LZTFL1: variants seen among roughly 807,000 people sequenced by gnomAD.
LZTFL1 encodes the protein leucine zipper transcription factor like 1, also known as leucine zipper transcription factor-like protein 1.
A neutral mutation model predicts 45.9 loss-of-function variants in LZTFL1; 25 were observed. That is an observed-to-expected ratio of 0.54 (90% CI 0.40 to 0.76). The LOEUF (loss-of-function observed/expected upper bound fraction) is 0.76, where lower values mean the gene tolerates loss of function less well. Ranked by LOEUF, LZTFL1 falls within the 30% of genes least tolerant of loss-of-function variation. The probability of loss-of-function intolerance (pLI) is 0.00; values close to 1 mark genes in which losing one functional copy is unlikely to be tolerated. For synonymous variants in LZTFL1, 93 were observed against 117.4 expected (o/e 0.79, Z 1.35); for missense variants, 277 against 331.1 (o/e 0.84, Z 1.27).
intron 2 of LZTFL1, among the ~76,000 whole-genome samples, chr3:45,863,750 G>C (rs1366447806): frequency 1.3e-5 from 2 of 152,204 alleles, no homozygotes; most frequent in African/African-American, 4.8e-5. Context: ...CACTGGCCAA[G>C]CAGCTGCAAT....
intron 2 of LZTFL1, among the ~76,000 whole-genome samples, chr3:45,865,158 C>T (rs1184271447): frequency 6.6e-6 from 1 of 152,206 alleles, no homozygotes; most frequent in Non-Finnish European, 1.5e-5. Context: ...AAATGCAATC[C>T]TTCCCCACAG....
chr3:45,895,019 TGGGAAGGATCCACTGTGG>T, intron 2 of LZTFL1: 1 of 1,507,616 alleles, frequency 6.6e-7, no homozygotes, highest in Non-Finnish European at 9.2e-7. Flanking sequence ...TTAGGGGGTG[TGGGAAGGATCCACTGTGG>T]GGGAAGGATT....
chr3:45,851,753 C>A (rs1030253642), intron 4 of LZTFL1, among the ~76,000 whole-genome samples: 1 of 151,712 alleles, frequency 6.6e-6, no homozygotes, highest in Non-Finnish European at 1.5e-5. Context: ...GAGGCTGACG[C>A]GGGAGGATGG....
At chr3:45,915,366 C>G (rs938554385) in intron 1 of LZTFL1, 3 of 373,412 alleles carry the variant, frequency 8.0e-6, no homozygotes, top group African/African-American at 2.1e-5. Flanking sequence ...CACCCTTCTC[C>G]CTCACCAGCT....
rs574881007 is a variant in LZTFL1 at position 45,887,789 on chromosome 3, C to T, written c.-215+25331G>A. Reference sequence around the variant, plus strand: ...TGGGCCCTGTGCAGCCCCTGCTGGGCGGTTGGCAGGCATCTGATCCAGGCA... The same window carrying T: ...TGGGCCCTGTGCAGCCCCTGCTGGGTGGTTGGCAGGCATCTGATCCAGGCA... On this transcript the variant is annotated intron_variant, in intron 2 of 4. Transcript: ENST00000472635. 7.2e-5 allele frequency among the ~76,000 whole-genome samples: 11 copies of T among 152,356 alleles called. No individual in the cohort carries two copies. The East Asian group carries it at 2.1e-3, about 29-fold the overall frequency.
intron 2 of LZTFL1, among the ~76,000 whole-genome samples, chr3:45,872,064 G>A (rs756573047): frequency 2.0e-5 from 3 of 152,192 alleles, no homozygotes; most frequent in Non-Finnish European, 4.4e-5. Flanking sequence ...GGAATGGCAG[G>A]CCTAGGCTCA....
chr3:45,876,891 A>T (rs570609836), intron 2 of LZTFL1, among the ~76,000 whole-genome samples: 1 of 152,270 alleles, frequency 6.6e-6, no homozygotes, highest in Admixed American at 6.5e-5. Flanking sequence ...TGGCTGGGTT[A>T]GTCACAGGAC....
chr3:45,911,160 C>G (rs1193353591), intron 2 of LZTFL1, among the ~76,000 whole-genome samples: 1 of 152,190 alleles, frequency 6.6e-6, no homozygotes, highest in East Asian at 1.9e-4. Flanking sequence ...TTCCACTGGT[C>G]AGAGCAGCCA....
intron 8 of LZTFL1, 120 bp downstream of exon 8, chr3:45,828,319 T>G: frequency 5.8e-6 from 5 of 856,568 alleles, no homozygotes; most frequent in East Asian, 2.5e-5. Flanking sequence ...GCTAATACCT[T>G]GAGAAAAAAT....
At chr3:45,877,108 T>C (rs904261231) in intron 2 of LZTFL1, among the ~76,000 whole-genome samples, 11 of 152,090 alleles carry the variant, frequency 7.2e-5, no homozygotes, top group Non-Finnish European at 1.5e-4. Context: ...GCCCAAGATA[T>C]AGCGAATAAA....
intron 2 of LZTFL1, among the ~76,000 whole-genome samples, chr3:45,892,527 A>G (rs1336889233): frequency 6.6e-6 from 1 of 152,166 alleles, no homozygotes; most frequent in East Asian, 1.9e-4. Context: ...TATGGACACA[A>G]AAAAGGGAAT....
intron 1 of LZTFL1, chr3:45,913,200 A>G (rs895383847): frequency 6.8e-7 from 1 of 1,465,232 alleles, no homozygotes; most frequent in Non-Finnish European, 9.2e-7. Flanking sequence ...ACAATTACAC[A>G]AATTAAACAA....
chr3:45,836,385 T>C (rs1462174193), intron 2 of LZTFL1, among the ~76,000 whole-genome samples: 1 of 152,204 alleles, frequency 6.6e-6, no homozygotes, highest in Non-Finnish European at 1.5e-5. Flanking sequence ...CCAGGCATGG[T>C]AGCTCATGCC....
In LZTFL1 at chr3:45,824,917, C is replaced by T. The variant is rs1181370575; in HGVS notation, c.*1397G>A. 1.5e-5 allele frequency: 6 copies of T among 398,246 alleles called. No homozygotes were observed. Among genetic ancestry groups the T allele is most frequent in the Admixed American group, 8.8e-5 (2 of 22,694 alleles). 24.7% of individuals were successfully genotyped at this position (398,246 alleles called of 1,614,324 possible). On this transcript the variant is annotated 3_prime_UTR_variant, in exon 10 of 10. Coordinates refer to ENST00000296135, the MANE Select transcript of LZTFL1 (RefSeq NM_020347.4). The stretch of plus-strand genomic sequence containing the variant: ...AGAAAATACATAGTAAATGCTGGCT[C>T]GTTATTGCATTTTATTCTCTCCCTT...
chr3:45,871,084 C>T (rs1701663825), intron 2 of LZTFL1, among the ~76,000 whole-genome samples: 1 of 152,118 alleles, frequency 6.6e-6, no homozygotes, highest in South Asian at 2.1e-4. Context: ...ATGAAAGTAC[C>T]ATCCTTTATG....
chr3:45,829,926 G>A (rs2125678806), intron 7 of LZTFL1, among the ~76,000 whole-genome samples: 1 of 152,258 alleles, frequency 6.6e-6, no homozygotes, highest in East Asian at 1.9e-4. Flanking sequence ...TATATAAGAA[G>A]TATCCTCCTA....
chr3:45,834,175 A>T, intron 4 of LZTFL1, 63 bp downstream of exon 4: 1 of 892,956 alleles, frequency 1.1e-6, no homozygotes, highest in Non-Finnish European at 1.7e-6. Flanking sequence ...GAATTCTTTG[A>T]GCAACTTGAG....
rs1475948592 is a variant in LZTFL1, at chr3:45,901,762, G to A, written c.-215+11358C>T. ...TATGTTTTTGTGGGTGAGAGATTCC[G>A]CCGGGATCTCGTGAAAACCCTGAAG... On this transcript the variant is annotated intron_variant, in intron 2 of 4. Transcript: ENST00000472635. The surrounding 1 kb of genome is among the most constrained non-coding windows in gnomAD (Gnocchi z 4.3). 46 of 1,614,052 alleles carry A rather than the reference G, an allele frequency of 2.8e-5. No individual in the cohort carries two copies. The highest frequency in any genetic ancestry group is 1.6e-4 in the Middle Eastern group (1 of 6,084).
chr3:45,823,673 A>T lies in LZTFL1; in HGVS notation c.*2641T>A, dbSNP rs1700596855. 6.6e-6 allele frequency: 1 copy of T among 152,248 alleles called. No homozygotes were observed. The highest frequency in any genetic ancestry group is 1.5e-5 in the Non-Finnish European group (1 of 68,042). 9.4% of individuals were successfully genotyped at this position (152,248 alleles called of 1,614,324 possible). A position where few individuals can be genotyped will look rare whatever the true frequency, so the allele number is the denominator to read the frequency against. ...GTCTAAATACTACTGTTTTGTCTAA[A>T]TGTGAAATATCATTTTGCTGAAATA... On this transcript the variant is annotated 3_prime_UTR_variant, in exon 10 of 10. Transcript: ENST00000296135.
Sources: gnomAD v4.1 joint callset for allele counts (sites outside exome capture counted in the v4.1 genomes callset) on GRCh38, gnomAD v4.1.1 for gene constraint, Gnocchi (gnomAD v3.1) non-coding constraint, MANE v1.5 for transcripts, NCBI Gene and HGNC (gene_info 2026-07-23, HGNC 2026-07-21) for gene names.